Variants in RNGTT observed in about 807,000 individuals in gnomAD.
The protein encoded by RNGTT is mRNA-capping enzyme.
In RNGTT, 33 loss-of-function variants were observed where a neutral mutation model predicts 79.3. The observed-to-expected ratio is 0.42, with a 90% CI of 0.32 to 0.56. The LOEUF is 0.56. Ranked by LOEUF, RNGTT falls within the 20% of genes least tolerant of loss-of-function variation. The pLI, the probability that RNGTT is intolerant of heterozygous loss-of-function variation, is 0.17. For missense variants in RNGTT, 497 were observed against 739.1 expected, an observed-to-expected ratio of 0.67 and a Z score of 3.80; for synonymous variants, 222 against 235.9, an observed-to-expected ratio of 0.94 and a Z score of 0.54.
At chr6:88,910,504 A>T (rs909350994) in intron 4 of RNGTT, among the ~76,000 whole-genome samples, 2 of 152,192 alleles carry the variant, frequency 1.3e-5, no homozygotes, top group African/African-American at 4.8e-5. Flanking sequence ...GGATTACATA[A>T]AGTGACCAAA....
At chr6:88,938,731 T>C (rs543401076) in intron 2 of RNGTT, among the ~76,000 whole-genome samples, 7 of 152,314 alleles carry the variant, frequency 4.6e-5, no homozygotes, top group Admixed American at 1.3e-4. Flanking sequence ...ATTTTTGTGT[T>C]TTCATGATGG....
chr6:88,793,027 CATGTGATT>C (rs999206803), intron 12 of RNGTT, among the ~76,000 whole-genome samples: 4 of 152,154 alleles, frequency 2.6e-5, no homozygotes, highest in East Asian at 1.9e-4. Context: ...GATGGGTAGA[CATGTGATT>C]ATGTACCACA....
chr6:88,748,844 C>T (rs1777751030), intron 13 of RNGTT, among the ~76,000 whole-genome samples: 1 of 151,966 alleles, frequency 6.6e-6, no homozygotes, highest in Non-Finnish European at 1.5e-5. Context: ...ATGTAATGCA[C>T]TTTCCACAAG....
Position 88,912,340 on chromosome 6 carries a change from T to C in RNGTT, c.368-5900A>G, listed in dbSNP as rs1783853477. On this transcript the variant is annotated intron_variant, in intron 4 of 15. Coordinates refer to ENST00000369485, the MANE Select transcript of RNGTT (RefSeq NM_003800.5). ...AGGAAGACTGTTTGAGCCCTGGAGCTTGAGGCTGCTGTGAGCTATGATCGT... is the reference window on the plus strand; with the variant it reads ...AGGAAGACTGTTTGAGCCCTGGAGCCTGAGGCTGCTGTGAGCTATGATCGT... 2.0e-5 allele frequency among the ~76,000 whole-genome samples: 3 copies of C among 152,194 alleles called. No homozygotes were observed. The South Asian group carries it at 6.2e-4, about 32-fold the overall frequency.
In RNGTT at chr6:88,704,272, A is replaced by AAAAAC. The variant is rs1562206036; in HGVS notation, c.1440-25854_1440-25853insGTTTT. Among the ~76,000 whole-genome samples the AAAAAC allele has an allele frequency of 4.2e-3, 631 of 149,904 alleles. 7 individuals carry two copies. Among genetic ancestry groups the AAAAAC allele is most frequent in the African/African-American group, 0.015 (593 of 40,680 alleles). ...GAGACTCTGTCTCAAAAAAAAAAAA[A>AAAAAC]AAAAAAAAAAAAAAGACAGACTTCA... On this transcript the variant is annotated intron_variant, in intron 13 of 15. Transcript: ENST00000369485.
chr6:88,683,106 A>C (rs929419684), intron 13 of RNGTT, among the ~76,000 whole-genome samples: 11 of 152,166 alleles, frequency 7.2e-5, no homozygotes, highest in African/African-American at 2.7e-4. Context: ...ACTGAAACCC[A>C]ACAAAAATAG....
In RNGTT at chr6:88,903,331, A is replaced by C. The variant is rs1458664092; in HGVS notation, c.684+1384T>G. Among the ~76,000 whole-genome samples, 3 of 152,106 alleles carry C rather than the reference A, an allele frequency of 2.0e-5. No individual in the cohort carries two copies. In the East Asian group the frequency reaches 5.8e-4, roughly 29 times the overall value. ...GGCTGGGCTGCCACTAGTGAGCCAT[A>C]ATCATGCCACCACACTCCTGCCTGA... On this transcript the variant is annotated intron_variant, in intron 6 of 15. Transcript: ENST00000369485.
intron 8 of RNGTT, among the ~76,000 whole-genome samples, chr6:88,864,795 A>C (rs1398454175): frequency 2.0e-5 from 3 of 152,156 alleles, no homozygotes; most frequent in African/African-American, 7.2e-5. Context: ...ATGCTACAGC[A>C]TATGAAACTT....
At chr6:88,765,356 C>A (rs749000932) in intron 13 of RNGTT, among the ~76,000 whole-genome samples, 2 of 152,028 alleles carry the variant, frequency 1.3e-5, no homozygotes, top group Non-Finnish European at 2.9e-5. Context: ...CATGACTTAA[C>A]CATACATTCT....
At chr6:88,637,853 C>T (rs374630840) in intron 14 of RNGTT, among the ~76,000 whole-genome samples, 3 of 152,052 alleles carry the variant, frequency 2.0e-5, no homozygotes, top group African/African-American at 7.2e-5. Context: ...GTGCTAGGTG[C>T]TTTATCCACA....
chr6:88,817,663 C>CT (rs1780357512), intron 11 of RNGTT, among the ~76,000 whole-genome samples: 1 of 151,598 alleles, frequency 6.6e-6, no homozygotes, highest in African/African-American at 2.4e-5. Context: ...AACCTTAACC[C>CT]TATTCCTTCA....
chr6:88,853,594 T>C, intron 9 of RNGTT, 35 bp downstream of exon 9: 1 of 1,352,534 alleles, frequency 7.4e-7, no homozygotes, highest in Non-Finnish European at 1.0e-6. Context: ...AAAATGGCAA[T>C]GTTTAATTTT....
chr6:88,666,544 T>C (rs1001477723), intron 14 of RNGTT, among the ~76,000 whole-genome samples: 2 of 152,134 alleles, frequency 1.3e-5, no homozygotes, highest in Non-Finnish European at 2.9e-5. Context: ...TCTGTGAAAA[T>C]CCCCATATAA....
At chr6:88,708,376 A>G (rs1360462182) in intron 13 of RNGTT, among the ~76,000 whole-genome samples, 4 of 152,060 alleles carry the variant, frequency 2.6e-5, no homozygotes, top group East Asian at 3.9e-4. Flanking sequence ...TAACAGCCCT[A>G]CTCTACAAGA....
At position 88,795,518 on chromosome 6, in the gene RNGTT, A is replaced by G. The variant is rs954487756; in HGVS notation, c.1338+6046T>C. Among the ~76,000 whole-genome samples, 4 of 152,060 alleles carry G rather than the reference A, an allele frequency of 2.6e-5. 1 individual carries two copies. The highest frequency in any genetic ancestry group is 1.5e-5 in the Non-Finnish European group (1 of 67,992). ...TGGACACAGGGAGGGAACATCACAC[A>G]CTGGGGCATGTTGTGGGGGGTTGGG... On this transcript the variant is annotated intron_variant, in intron 12 of 15. Coordinates refer to ENST00000369485, the MANE Select transcript of RNGTT (RefSeq NM_003800.5).
chr6:88,697,884 T>C (rs1775736696), intron 13 of RNGTT, among the ~76,000 whole-genome samples: 1 of 116,582 alleles, frequency 8.6e-6, no homozygotes, highest in South Asian at 2.4e-4. Flanking sequence ...AAAAAATATA[T>C]ATATGATATA....
At chr6:88,635,343 T>C (rs1218699173) in intron 14 of RNGTT, among the ~76,000 whole-genome samples, 1 of 152,094 alleles carries the variant, frequency 6.6e-6, no homozygotes, top group African/African-American at 2.4e-5. Context: ...ACGAACATTC[T>C]AAAATTTACA....
At chr6:88,934,343 G>A (rs1582149061) in intron 2 of RNGTT, among the ~76,000 whole-genome samples, 1 of 152,070 alleles carries the variant, frequency 6.6e-6, no homozygotes, top group South Asian at 2.1e-4. Flanking sequence ...GTCATAAATA[G>A]CCATTCTAAC....
chr6:88,787,529 C>T (rs897515957), intron 12 of RNGTT, among the ~76,000 whole-genome samples: 1 of 151,996 alleles, frequency 6.6e-6, no homozygotes, highest in East Asian at 1.9e-4. Context: ...TGTGGTGGTG[C>T]GGGCCTGCAT....
Sources: allele counts gnomAD v4.1 joint callset (sites outside exome capture counted in the v4.1 genomes callset), GRCh38; gene constraint gnomAD v4.1.1; transcripts MANE v1.5; gene names NCBI Gene and HGNC (gene_info 2026-07-23, HGNC 2026-07-21).